VWA2: variants seen among roughly 807,000 people sequenced by gnomAD.
VWA2 encodes von Willebrand factor A domain containing 2.
In VWA2, 73 loss-of-function variants were observed where a neutral mutation model predicts 70.4. The observed-to-expected ratio is 1.04, with a 90% CI of 0.86 to 1.26. The LOEUF (loss-of-function observed/expected upper bound fraction) is 1.26. VWA2 is among the 50% of genes most tolerant of loss of function. The pLI is 0.00. For synonymous variants in VWA2, 407 were observed against 423.3 expected, an observed-to-expected ratio of 0.96 and a Z score of 0.47; for missense variants, 1,011 against 998.5, an observed-to-expected ratio of 1.01 and a Z score of -0.17.
intron 5 of VWA2, among the ~76,000 whole-genome samples, chr10:114,269,587 A>T (rs989205831): frequency 1.3e-5 from 2 of 152,216 alleles, no homozygotes; most frequent in Non-Finnish European, 1.5e-5. Flanking sequence ...TCTCAAAAAA[A>T]TAAGAAAACA....
intron 10 of VWA2, 144 bp downstream of exon 10, chr10:114,285,114 T>C (rs1371832469): frequency 6.6e-6 from 4 of 610,030 alleles, no homozygotes; most frequent in Non-Finnish European, 1.1e-5. Flanking sequence ...GGTCTGCAGT[T>C]CACGTGGTGC....
At chr10:114,272,657 CTCA>C (rs2037735952) in intron 5 of VWA2, 80 bp from the exon 6 acceptor site, 1 of 1,254,742 alleles carries the variant, frequency 8.0e-7, no homozygotes, top group Non-Finnish European at 1.1e-6. Context: ...AACGGAAGAG[CTCA>C]TCGATTTCAG....
chr10:114,251,477 T>C (rs1236382730), intron 2 of VWA2, among the ~76,000 whole-genome samples: 1 of 152,238 alleles, frequency 6.6e-6, no homozygotes, highest in Non-Finnish European at 1.5e-5. Flanking sequence ...CCTGGGGAGA[T>C]GGCTGGCCTG....
chr10:114,241,847 A>G (rs1352500570), intron 1 of VWA2, among the ~76,000 whole-genome samples: 1 of 151,954 alleles, frequency 6.6e-6, no homozygotes, highest in African/African-American at 2.4e-5. Flanking sequence ...CCTGCAATAG[A>G]ATTGCTCATT....
intron 1 of VWA2, among the ~76,000 whole-genome samples, 151 bp downstream of exon 1, chr10:114,239,720 G>A (rs529252006): frequency 1.3e-5 from 2 of 152,212 alleles, no homozygotes; most frequent in South Asian, 4.1e-4. Flanking sequence ...GAGGGTGCGG[G>A]CTTTGTTCGC....
intron 1 of VWA2, among the ~76,000 whole-genome samples, chr10:114,243,888 C>G (rs2133276718): frequency 6.6e-6 from 1 of 152,308 alleles, no homozygotes; most frequent in South Asian, 2.1e-4. Context: ...TGCGTGGGAA[C>G]CAGGATCCGA....
chr10:114,272,276 A>C (rs1321407602), intron 5 of VWA2, among the ~76,000 whole-genome samples: 1 of 152,222 alleles, frequency 6.6e-6, no homozygotes, highest in Non-Finnish European at 1.5e-5. Flanking sequence ...GATCACAGAA[A>C]AGACTGTCAT....
chr10:114,284,293 C>T (rs938731123), intron 9 of VWA2, among the ~76,000 whole-genome samples: 55 of 152,306 alleles, frequency 3.6e-4, no homozygotes, highest in African/African-American at 5.5e-4. Flanking sequence ...AGACTTTCTG[C>T]GGATTAATTC....
intron 5 of VWA2, among the ~76,000 whole-genome samples, chr10:114,270,490 C>T (rs554304454): frequency 6.6e-6 from 1 of 152,244 alleles, no homozygotes; most frequent in South Asian, 2.1e-4. Flanking sequence ...CCTCATTTGT[C>T]AAATGTGGGT....
Position 114,289,247 on chromosome 10 carries a change from G to A in VWA2, c.1880G>A (p.Gly627Asp), listed in dbSNP as rs774196736. 2.5e-6 allele frequency: 4 copies of A among 1,614,122 alleles called. No individual in the cohort carries two copies. The highest frequency in any genetic ancestry group is 3.3e-5 in the Admixed American group (2 of 60,018). The change falls in exon 12 of 14, where the codon GGT (glycine) becomes GAT (aspartate). Residue 627 changes from glycine to aspartate, a missense_variant. By Grantham distance (94) the Gly-to-Asp change is moderately conservative. Coordinates refer to ENST00000392982, the MANE Select transcript of VWA2 (RefSeq NM_001272046.2). ...GACAAAGTGATGACCGTCCAGAGGGGTGCCCGGCCTGGTGTCCCCAAAGCT... is the reference window on the plus strand; with the variant it reads ...GACAAAGTGATGACCGTCCAGAGGGATGCCCGGCCTGGTGTCCCCAAAGCT... Reference protein sequence around the residue: ...IYDKVMTVQRGARPGVPKAVV... With the variant: ...IYDKVMTVQRDARPGVPKAVV...
chr10:114,261,098 G>C, intron 4 of VWA2, 88 bp from the exon 5 acceptor site: 5 of 908,338 alleles, frequency 5.5e-6, no homozygotes, highest in Non-Finnish European at 8.9e-6. Context: ...GGGAGGCAGG[G>C]TTGTTAACTT....
intron 5 of VWA2, among the ~76,000 whole-genome samples, chr10:114,270,743 G>C (rs2037689322): frequency 6.6e-6 from 1 of 152,200 alleles, no homozygotes; most frequent in Non-Finnish European, 1.5e-5. Flanking sequence ...GTGTGATCCA[G>C]CAGGGTGTGA....
At chr10:114,289,677 CATTT>C in intron 12 of VWA2, 188 bp downstream of exon 12, 3 of 640,564 alleles carry the variant, frequency 4.7e-6, no homozygotes, top group Non-Finnish European at 8.1e-6. Flanking sequence ...TCCTATTTGA[CATTT>C]AAGGTACAGA....
chr10:114,244,379 C>G (rs563352009), intron 1 of VWA2, among the ~76,000 whole-genome samples: 68 of 152,174 alleles, frequency 4.5e-4, no homozygotes, highest in Non-Finnish European at 9.3e-4. Flanking sequence ...TCCCCCAGAA[C>G]CGGGAAGGTG....
At chr10:114,268,279 C>T (rs1010361572) in intron 5 of VWA2, among the ~76,000 whole-genome samples, 3 of 120,576 alleles carry the variant, frequency 2.5e-5, no homozygotes, top group Non-Finnish European at 3.2e-5. Flanking sequence ...GCAGTCATAA[C>T]CCCCAAGACA....
rs1305535757 is a variant in VWA2 at position 114,292,728 on chromosome 10, G to A, written c.*1491G>A. On this transcript the variant is annotated 3_prime_UTR_variant, in exon 14 of 14. Coordinates refer to ENST00000392982, the MANE Select transcript of VWA2 (RefSeq NM_001272046.2). ...TTATCGTTTTTCTTTTTTTTGAGAC[G>A]GAGTTTTGCTCTTGTTGCCCAGGCT... Among the ~76,000 whole-genome samples the A allele has an allele frequency of 6.6e-6, 1 of 151,556 alleles. No homozygotes were observed.
intron 5 of VWA2, among the ~76,000 whole-genome samples, chr10:114,265,446 A>T (rs2037540802): frequency 2.0e-5 from 3 of 152,220 alleles, no homozygotes; most frequent in Admixed American, 2.0e-4. Flanking sequence ...AAAAAGGAGC[A>T]AGGAGCATTA....
intron 11 of VWA2, among the ~76,000 whole-genome samples, chr10:114,286,932 G>C (rs1354519850): frequency 6.6e-6 from 1 of 152,202 alleles, no homozygotes; most frequent in Non-Finnish European, 1.5e-5. Flanking sequence ...ACATGCACAT[G>C]TATGCACACA....
intron 13 of VWA2, 134 bp from the exon 14 acceptor site, chr10:114,291,083 TA>T: frequency 9.7e-7 from 1 of 1,033,140 alleles, no homozygotes; most frequent in Non-Finnish European, 1.5e-6. Flanking sequence ...ATGGGGTCTC[TA>T]ATCTGGCATC....
Sources: gnomAD v4.1 joint callset for allele counts (sites outside exome capture counted in the v4.1 genomes callset) on GRCh38, gnomAD v4.1.1 for gene constraint, MANE v1.5 for transcripts, NCBI Gene and HGNC (gene_info 2026-07-23, HGNC 2026-07-21) for gene names.